Variants in PLXDC2 observed in about 807,000 individuals in gnomAD.
The protein encoded by PLXDC2 is plexin domain containing 2, also known as plexin domain-containing protein 2.
PLXDC2 carries 40 observed loss-of-function variants against 68.9 expected under a neutral mutation model. The ratio of observed to expected loss-of-function variants is 0.58; its 90% CI spans 0.45 to 0.76. The LOEUF (loss-of-function observed/expected upper bound fraction) is 0.76, where lower values mean the gene tolerates loss of function less well. PLXDC2 is among the 30% of genes least tolerant of loss of function. The pLI is 0.00. For missense variants in PLXDC2, 644 were observed against 661.9 expected (o/e 0.97, Z 0.30); for synonymous variants, 243 against 234.2 (o/e 1.04, Z -0.34).
At chr10:20,128,628 C>T (rs1833824139) in intron 4 of PLXDC2, among the ~76,000 whole-genome samples, 1 of 152,044 alleles carries the variant, frequency 6.6e-6, no homozygotes, top group South Asian at 2.1e-4. Flanking sequence ...AAAACTGAAA[C>T]CTTATACCCT....
intron 2 of PLXDC2, among the ~76,000 whole-genome samples, chr10:20,020,323 C>G (rs1386088808): frequency 6.6e-6 from 1 of 151,766 alleles, no homozygotes; most frequent in Non-Finnish European, 1.5e-5. Flanking sequence ...CTCTTGAATC[C>G]TGTGACTGGC....
chr10:20,081,305 G>A (rs575069795), intron 4 of PLXDC2, among the ~76,000 whole-genome samples: 1 of 151,970 alleles, frequency 6.6e-6, no homozygotes, highest in East Asian at 1.9e-4. Context: ...GCAGGGAGGG[G>A]GAAAAACTAT....
At chr10:20,159,198 G>T (rs1377315490) in intron 6 of PLXDC2, among the ~76,000 whole-genome samples, 3 of 152,094 alleles carry the variant, frequency 2.0e-5, no homozygotes, top group Admixed American at 2.0e-4. Flanking sequence ...TGCATATGTT[G>T]TTCCCTGCAT....
intron 1 of PLXDC2, among the ~76,000 whole-genome samples, chr10:19,818,033 C>A (rs1280777449): frequency 1.3e-5 from 2 of 152,204 alleles, no homozygotes; most frequent in East Asian, 1.9e-4. Context: ...GGTGCCTACT[C>A]CCCATTTCTG....
At chr10:20,167,198 C>A (rs1834387365) in intron 7 of PLXDC2, among the ~76,000 whole-genome samples, 1 of 152,102 alleles carries the variant, frequency 6.6e-6, no homozygotes, top group African/African-American at 2.4e-5. Flanking sequence ...ACTTAAAAAT[C>A]ATTTTGGGAA....
intron 3 of PLXDC2, among the ~76,000 whole-genome samples, chr10:20,065,505 G>A (rs1164871513): frequency 2.0e-5 from 3 of 152,122 alleles, no homozygotes; most frequent in Non-Finnish European, 4.4e-5. Flanking sequence ...GGTAGGAGGG[G>A]ATGGTTTTGG....
chr10:20,066,031 G>A (rs1836204669), intron 3 of PLXDC2, among the ~76,000 whole-genome samples: 1 of 152,230 alleles, frequency 6.6e-6, no homozygotes. Context: ...GTTTGGAGAA[G>A]AGTATCAGTA....
intron 1 of PLXDC2, among the ~76,000 whole-genome samples, chr10:19,951,590 T>G (rs1393423533): frequency 6.6e-6 from 1 of 152,204 alleles, no homozygotes; most frequent in Non-Finnish European, 1.5e-5. Flanking sequence ...GGAAGCAGTT[T>G]AGAGATTTCT....
chr10:19,825,643 T>G (rs767874775), intron 1 of PLXDC2, among the ~76,000 whole-genome samples: 3 of 152,192 alleles, frequency 2.0e-5, no homozygotes, highest in Admixed American at 6.5e-5. Flanking sequence ...AATATTTATT[T>G]CCCTAAAGCC....
At chr10:19,827,564 C>CT (rs57646240) in intron 1 of PLXDC2, among the ~76,000 whole-genome samples, 38 of 145,956 alleles carry the variant, frequency 2.6e-4, no homozygotes, top group Middle Eastern at 3.6e-3. Flanking sequence ...TTTTCTTTTT[C>CT]TTTTTTTTTT....
chr10:20,216,872 C>A (rs1835144545), intron 10 of PLXDC2, among the ~76,000 whole-genome samples: 1 of 152,164 alleles, frequency 6.6e-6, no homozygotes, highest in South Asian at 2.1e-4. Context: ...TCTGTTCAAT[C>A]CTTTGCTTAT....
chr10:20,277,672 T>TA (rs1360973859), intron 13 of PLXDC2, among the ~76,000 whole-genome samples: 5 of 152,184 alleles, frequency 3.3e-5, no homozygotes, highest in African/African-American at 1.2e-4. Flanking sequence ...TTGTTATGAC[T>TA]AAGACTGAGA....
At chr10:20,202,601 A>G (rs1232714181) in intron 9 of PLXDC2, among the ~76,000 whole-genome samples, 1 of 152,160 alleles carries the variant, frequency 6.6e-6, no homozygotes, top group Non-Finnish European at 1.5e-5. Flanking sequence ...GCATATTTCA[A>G]TATGTTCTAG....
intron 4 of PLXDC2, among the ~76,000 whole-genome samples, chr10:20,116,468 G>A (rs1331696059): frequency 6.6e-6 from 1 of 151,866 alleles, no homozygotes; most frequent in Non-Finnish European, 1.5e-5. Flanking sequence ...CAAAGTCACA[G>A]TAAATCGAGA....
At chr10:19,915,241 T>G (rs775912946) in intron 1 of PLXDC2, among the ~76,000 whole-genome samples, 3 of 152,202 alleles carry the variant, frequency 2.0e-5, no homozygotes, top group Non-Finnish European at 4.4e-5. Flanking sequence ...TGAACATTTT[T>G]AGTGTTCCAT....
chr10:20,021,493 A>C (rs140329385), intron 2 of PLXDC2, among the ~76,000 whole-genome samples: 1 of 151,986 alleles, frequency 6.6e-6, no homozygotes, highest in Non-Finnish European at 1.5e-5. Flanking sequence ...TAATTGATTA[A>C]ATTGTTTTAC....
chr10:19,876,015 C>A (rs1325210647), intron 1 of PLXDC2, among the ~76,000 whole-genome samples: 2 of 151,968 alleles, frequency 1.3e-5, no homozygotes, highest in Admixed American at 6.6e-5. Flanking sequence ...GGAGCATTTT[C>A]TTCAGACGGA....
At chr10:19,821,862 G>A (rs73601613) in intron 1 of PLXDC2, among the ~76,000 whole-genome samples, 213 of 152,238 alleles carry the variant, frequency 1.4e-3, no homozygotes, top group African/African-American at 5.0e-3. Context: ...TGGTTTCTGA[G>A]TGAATGTTCA....
chr10:19,933,909 AAG>A (rs1182031272), intron 1 of PLXDC2, among the ~76,000 whole-genome samples: 7 of 151,716 alleles, frequency 4.6e-5, no homozygotes, highest in African/African-American at 1.7e-4. Flanking sequence ...AAAGAAAGGA[AAG>A]AGAAAGGAAG....
Sources: allele counts gnomAD v4.1 joint callset (sites outside exome capture counted in the v4.1 genomes callset), GRCh38; gene constraint gnomAD v4.1.1; transcripts MANE v1.5; gene names NCBI Gene and HGNC (gene_info 2026-07-23, HGNC 2026-07-21).